CCNF: variants seen among roughly 807,000 people sequenced by gnomAD.
CCNF encodes the protein cyclin F, also known as cyclin-F.
In CCNF, 30 loss-of-function variants were observed where a neutral mutation model predicts 85.4. The ratio of observed to expected loss-of-function variants is 0.35; its 90% CI spans 0.26 to 0.48. The LOEUF is 0.48. Among genes scored for constraint, CCNF ranks in the 20% least tolerant of loss-of-function variants. The pLI is 0.99. For missense variants in CCNF, 919 were observed against 1,010.4 expected (o/e 0.91, Z 1.23); for synonymous variants, 439 against 425.1 (o/e 1.03, Z -0.40).
At position 2,453,040 on chromosome 16, in the gene CCNF, G is replaced by C. The variant is rs747523513; in HGVS notation, c.1488-170G>C. 2.1e-5 allele frequency: 13 copies of C among 626,222 alleles called. 1 individual carries two copies. Among genetic ancestry groups the C allele is most frequent in the Non-Finnish European group, 2.6e-5 (9 of 348,336 alleles). 38.8% of individuals were successfully genotyped at this position (626,222 alleles called of 1,614,324 possible). ...CCTTTTTCCTGGGTCTTTACCTAGAGAGGAATTGCTAGGTCCTGTGGTGAC... is the reference window on the plus strand; with the variant it reads ...CCTTTTTCCTGGGTCTTTACCTAGACAGGAATTGCTAGGTCCTGTGGTGAC... On this transcript the variant is annotated intron_variant, in intron 13 of 16. Transcript: ENST00000397066. The surrounding 1 kb of genome is among the most constrained non-coding windows in gnomAD (Gnocchi z 5.6).
At chr16:2,447,056 AC>A (rs2065365903) in intron 10 of CCNF, among the ~76,000 whole-genome samples, 1 of 152,178 alleles carries the variant, frequency 6.6e-6, no homozygotes, top group South Asian at 2.1e-4. Flanking sequence ...ACCAGAGACG[AC>A]TGAGGAGGTC....
intron 10 of CCNF, 35 bp downstream of exon 10, chr16:2,445,657 TG>T: frequency 6.3e-7 from 1 of 1,596,844 alleles, no homozygotes; most frequent in Non-Finnish European, 8.5e-7. Flanking sequence ...GGCAGGGACG[TG>T]CTGGCCTTTC....
chr16:2,433,197 T>G (rs1185595371), intron 3 of CCNF, 130 bp downstream of exon 3: 1 of 615,282 alleles, frequency 1.6e-6, no homozygotes, highest in Non-Finnish European at 3.0e-6. Flanking sequence ...CCTCATACCC[T>G]GGGGAGTGAC....
chr16:2,445,316 C>T (rs2065355486), intron 9 of CCNF, 142 bp from the exon 10 acceptor site: 2 of 971,500 alleles, frequency 2.1e-6, no homozygotes, highest in East Asian at 2.5e-5. Flanking sequence ...GACATGGCCT[C>T]TCCAGCCTTG....
chr16:2,443,715 A>G lies in CCNF; in HGVS notation c.844A>G (p.Ile282Val), dbSNP rs139143672. ...ACTGGAGGTGAGAGCTTCCAGTGAGATCGTCTGCCAGCTATTTCAGGCTTC... is the reference window on the plus strand; with the variant it reads ...ACTGGAGGTGAGAGCTTCCAGTGAGGTCGTCTGCCAGCTATTTCAGGCTTC... ...LGLEVRASSE[I>V]VCQLFQASQA... is the part of the protein sequence containing the mutation. The change falls in exon 9 of 17, where the codon ATC (isoleucine) becomes GTC (valine). Residue 282 changes from isoleucine to valine, a missense_variant. Ile to Val is a conservative substitution (Grantham distance 29). Around this residue, in one of 3 missense-constraint regions of CCNF, gnomAD observed 410 missense variants for 478.6 expected, o/e 0.86. Coordinates refer to ENST00000397066, the MANE Select transcript of CCNF (RefSeq NM_001761.3). The G allele has an allele frequency of 7.4e-6, 12 of 1,613,942 alleles. No homozygotes were observed. The highest frequency in any genetic ancestry group is 1.3e-5 in the African/African-American group (1 of 74,896).
intron 13 of CCNF, among the ~76,000 whole-genome samples, chr16:2,450,208 A>G (rs978041483): frequency 6.7e-6 from 1 of 150,108 alleles, no homozygotes; most frequent in Non-Finnish European, 1.5e-5. Flanking sequence ...CTCTGTCTCT[A>G]AAAACAACTG....
At position 2,445,599 on chromosome 16, in the gene CCNF, C is replaced by T. The variant is rs190102717; in HGVS notation, c.1071C>T (p.Ile357=). The change falls in exon 10 of 17, where the codon ATC becomes ATT. Residue 357 remains isoleucine, a synonymous_variant. Transcript: ENST00000397066. Reference sequence around the variant, plus strand: ...GGTACAGGCTCCAGCTGCTGGGCATCGCCTGCATGGTCATCTGCACCCGGT... The same window carrying T: ...GGTACAGGCTCCAGCTGCTGGGCATTGCCTGCATGGTCATCTGCACCCGGT... ...VPRYRLQLLG[I]ACMVICTRFI... 8.1e-6 allele frequency: 13 copies of T among 1,612,860 alleles called. No individual in the cohort carries two copies. The highest frequency in any genetic ancestry group is 5.0e-5 in the Admixed American group (3 of 60,024).
At chr16:2,430,805 C>T (rs2065258471) in intron 1 of CCNF, among the ~76,000 whole-genome samples, 2 of 152,198 alleles carry the variant, frequency 1.3e-5, no homozygotes, top group East Asian at 1.9e-4. Context: ...TCCTCAGCTT[C>T]GGCAGCTTTT....
In CCNF at chr16:2,452,817, T is replaced by C. The variant is rs1378865286; in HGVS notation, c.1488-393T>C. On this transcript the variant is annotated intron_variant, in intron 13 of 16. Transcript: ENST00000397066. The surrounding 1 kb of genome is among the most constrained non-coding windows in gnomAD (Gnocchi z 4.1). ...GGACAAGTGGCCTTCTGTGTCTAGG[T>C]GATTTCCCTCGCGGTAACGTTTGCT... The C allele has an allele frequency of 3.3e-5, 8 of 241,410 alleles. No homozygotes were observed. Among genetic ancestry groups the C allele is most frequent in the Non-Finnish European group, 5.8e-5 (7 of 121,550 alleles). 15.0% of individuals were successfully genotyped at this position (241,410 alleles called of 1,614,324 possible).
In CCNF at chr16:2,432,511, C is replaced by T. The variant is rs542999594; in HGVS notation, c.172-450C>T. 4.6e-5 allele frequency among the ~76,000 whole-genome samples: 7 copies of T among 152,266 alleles called. No individual in the cohort carries two copies. The South Asian group carries it at 8.3e-4, about 18-fold the overall frequency. On this transcript the variant is annotated intron_variant, in intron 2 of 16. Transcript: ENST00000397066. ...CTGCGTTGGCCCAGCGCTTAGGCTC[C>T]GGGTTCTACCTGAGACCTCCATCAT...
At position 2,456,129 on chromosome 16, in the gene CCNF, G is replaced by C. The variant is rs12923576; in HGVS notation, c.1886-416G>C. On this transcript the variant is annotated intron_variant, in intron 16 of 16. Transcript: ENST00000397066. This position sits in a 1 kb window ranked among gnomAD's most constrained non-coding sequence, Gnocchi z 4.5. ...TGAGCCGTGATCATGCCACTGCACT[G>C]TAGCCTGGGCGTTCTTTCTAGAATG... The C allele has an allele frequency of 0.78, 134,948 of 173,884 alleles. 53,641 individuals carry two copies. The highest frequency in any genetic ancestry group is 0.95 in the African/African-American group (40,025 of 42,162). The allele number at this position is 173,884 out of a possible 1,614,324, so 10.8% of individuals were successfully genotyped here.
Position 2,432,968 on chromosome 16 carries a change from C to G in CCNF, c.179C>G (p.Ser60Cys). The G allele has an allele frequency of 6.2e-7, 1 of 1,602,826 alleles. No individual in the cohort carries two copies. Among genetic ancestry groups the G allele is most frequent in the Non-Finnish European group, 8.5e-7 (1 of 1,170,882 alleles). ...EDILAVRAVH[S>C]QLKDLVDNHA... ...GCCCCCGTTGTTCTGCAGGTACACTCCCAGCTGAAGGACCTGGTGGACAAC... is the reference window on the plus strand; with the variant it reads ...GCCCCCGTTGTTCTGCAGGTACACTGCCAGCTGAAGGACCTGGTGGACAAC... The change falls in exon 3 of 17, where the codon TCC (serine) becomes TGC (cysteine). Residue 60 changes from serine to cysteine, a missense_variant. Around this residue, in one of 3 missense-constraint regions of CCNF, gnomAD observed 410 missense variants for 478.6 expected, o/e 0.86. Coordinates refer to ENST00000397066, the MANE Select transcript of CCNF (RefSeq NM_001761.3).
At position 2,453,827 on chromosome 16, in the gene CCNF, G is replaced by A. The variant is rs2065409090; in HGVS notation, c.1715+290G>A. 1.3e-5 allele frequency among the ~76,000 whole-genome samples: 2 copies of A among 152,172 alleles called. No homozygotes were observed. Among genetic ancestry groups the A allele is most frequent in the African/African-American group, 4.8e-5 (2 of 41,426 alleles). ...CACGCGGGAGCCTAGCCTGGCTCTA[G>A]CCCTGCCCGTGCCTGTCATGCGCGT... is the stretch of plus-strand genomic sequence containing the variant. On this transcript the variant is annotated intron_variant, in intron 15 of 16. Coordinates refer to ENST00000397066, the MANE Select transcript of CCNF (RefSeq NM_001761.3). The surrounding 1 kb of genome is among the most constrained non-coding windows in gnomAD (Gnocchi z 5.6).
At chr16:2,445,290 C>A in intron 9 of CCNF, 168 bp from the exon 10 acceptor site, 1 of 723,760 alleles carries the variant, frequency 1.4e-6, no homozygotes, top group Non-Finnish European at 2.3e-6. Context: ...CCCACGGAGC[C>A]TCCCGGGCTT....
chr16:2,434,647 A>G (rs939532567), intron 3 of CCNF, among the ~76,000 whole-genome samples: 4 of 152,232 alleles, frequency 2.6e-5, no homozygotes, highest in East Asian at 1.9e-4. Context: ...AATAAAATGT[A>G]TAACTCATTG....
chr16:2,449,383 G>A lies in CCNF; in HGVS notation c.1320G>A (p.Leu440=), dbSNP rs2065380272. ...LCSFLCELSL[L]HTSLSAYAPA... is the part of the protein sequence containing the mutation. Reference sequence around the variant, plus strand: ...GCTTCCTCTGCGAGCTCTCCCTGCTGCACACCAGCCTGTCCGCCTACGCCC... The same window carrying A: ...GCTTCCTCTGCGAGCTCTCCCTGCTACACACCAGCCTGTCCGCCTACGCCC... The change falls in exon 12 of 17, where the codon CTG becomes CTA. Residue 440 remains leucine (L), a synonymous_variant. Transcript: ENST00000397066. 5.6e-6 allele frequency: 9 copies of A among 1,612,640 alleles called. No individual in the cohort carries two copies. Among genetic ancestry groups the A allele is most frequent in the Non-Finnish European group, 7.6e-6 (9 of 1,179,978 alleles).
intron 8 of CCNF, among the ~76,000 whole-genome samples, chr16:2,441,720 T>G (rs1347383416): frequency 6.6e-6 from 1 of 151,502 alleles, no homozygotes; most frequent in Non-Finnish European, 1.5e-5. Context: ...TTTCACCATG[T>G]TGGCCAGGCT....
chr16:2,448,537 A>G (rs1161667294), intron 10 of CCNF, among the ~76,000 whole-genome samples: 2 of 152,290 alleles, frequency 1.3e-5, no homozygotes, highest in African/African-American at 2.4e-5. Flanking sequence ...GTCCCAAGTA[A>G]CTGAGACTAT....
chr16:2,431,355 C>T (rs2065261496), intron 2 of CCNF, 71 bp downstream of exon 2: 2 of 1,513,898 alleles, frequency 1.3e-6, no homozygotes, highest in Non-Finnish European at 1.8e-6. Flanking sequence ...GTGTTCTTAA[C>T]TGTCAGAACA....
Sources: gnomAD v4.1 joint callset for allele counts (sites outside exome capture counted in the v4.1 genomes callset) on GRCh38, gnomAD v4.1.1 for gene constraint, gnomAD v4.1.1 regional missense constraint, Gnocchi (gnomAD v3.1) non-coding constraint, MANE v1.5 for transcripts, NCBI Gene and HGNC (gene_info 2026-07-23, HGNC 2026-07-21) for gene names.